The following KCNH6 variants were observed in gnomAD, a reference collection of about 807,000 sequenced individuals.
KCNH6 encodes potassium voltage-gated channel subfamily H member 6, also known as voltage-gated inwardly rectifying potassium channel KCNH6.
KCNH6 carries 81 observed loss-of-function variants against 83.4 expected under a neutral mutation model. That is an observed-to-expected ratio of 0.97 (90% CI 0.81 to 1.17). The LOEUF (loss-of-function observed/expected upper bound fraction) is 1.17. Ranked by LOEUF, KCNH6 falls within the 50% of genes most tolerant of loss-of-function variation. The probability of loss-of-function intolerance (pLI) is 0.00; values close to 1 mark genes in which losing one functional copy is unlikely to be tolerated. For synonymous variants in KCNH6, 503 were observed against 545.6 expected, an observed-to-expected ratio of 0.92 and a Z score of 1.09; for missense variants, 1,203 against 1,290.5, an observed-to-expected ratio of 0.93 and a Z score of 1.04.
At chr17:63,540,746 GC>G (rs1227231651) in intron 8 of KCNH6, among the ~76,000 whole-genome samples, 2 of 152,182 alleles carry the variant, frequency 1.3e-5, no homozygotes, top group Non-Finnish European at 2.9e-5. Context: ...ATCCTTCTGT[GC>G]TAAACTGTTA....
Position 63,543,634 on chromosome 17 carries a change from GTTTC to G in KCNH6, c.2213_2216del (p.Phe738SerfsTer12), listed in dbSNP as rs746558366. 3.6e-5 allele frequency: 58 copies of G among 1,612,930 alleles called. No homozygotes were observed. The East Asian group carries it at 1.3e-3, about 35-fold the overall frequency. On this transcript the variant is annotated frameshift_variant, in exon 10 of 13. Transcript: ENST00000314672. LOFTEE classifies it high-confidence loss of function. ...GCTCCTGGCAGCCAAGACCACCAAG[GTTTC>G]TTTCTCAGTGACAACCAGTCAGGTG...
rs766713762 is a variant in KCNH6 at position 63,542,275 on chromosome 17, C to T, written c.1989C>T (p.Leu663=). 3 of 1,614,128 alleles carry T rather than the reference C, an allele frequency of 1.9e-6. No homozygotes were observed. Among genetic ancestry groups the T allele is most frequent in the Non-Finnish European group, 8.5e-7 (1 of 1,180,016 alleles). ...KNDIFGEPVS[L]HAQPGKSSAD... ...ACATCTTTGGGGAACCCGTCAGCCT[C>T]CATGCCCAGCCAGGCAAGTCCAGTG... The change falls in exon 9 of 13, where the codon CTC becomes CTT. Residue 663 remains leucine, a synonymous_variant. Coordinates refer to ENST00000314672, the MANE Select transcript of KCNH6 (RefSeq NM_001278919.2).
rs2031463344 is a variant in KCNH6 at position 63,523,385 on chromosome 17, T to C, written c.-29T>C. 1 of 1,570,926 alleles carries C rather than the reference T, an allele frequency of 6.4e-7. No individual in the cohort carries two copies. Among genetic ancestry groups the C allele is most frequent in the Non-Finnish European group, 8.6e-7 (1 of 1,161,698 alleles). On this transcript the variant is annotated 5_prime_UTR_variant, in exon 1 of 13. Transcript: ENST00000314672. This position sits in a 1 kb window ranked among gnomAD's most constrained non-coding sequence, Gnocchi z 4.2. ...AGACGCCGGGAGCCAGTGGCGCCTGTGGCTCCGGGCAGGGGCCGCGGCCGA... is the reference window on the plus strand; with the variant it reads ...AGACGCCGGGAGCCAGTGGCGCCTGCGGCTCCGGGCAGGGGCCGCGGCCGA...
chr17:63,533,174 T>C lies in KCNH6; in HGVS notation c.676-712T>C, dbSNP rs1486078080. Among the ~76,000 whole-genome samples the C allele has an allele frequency of 1.4e-5, 2 of 141,100 alleles. No homozygotes were observed. Among genetic ancestry groups the C allele is most frequent in the Non-Finnish European group, 3.1e-5 (2 of 65,000 alleles). The allele number at this position is 141,100 out of a possible 152,430, so 92.6% of individuals were successfully genotyped here. On this transcript the variant is annotated intron_variant, in intron 4 of 12. Coordinates refer to ENST00000314672, the MANE Select transcript of KCNH6 (RefSeq NM_001278919.2). This position sits in a 1 kb window ranked among gnomAD's most constrained non-coding sequence, Gnocchi z 4.1. Reference sequence around the variant, plus strand: ...ATGTTGTGCTGGGACCTAGAGATCCTGGGTTGATCACAGTCTTGGAGGCGG... The same window carrying C: ...ATGTTGTGCTGGGACCTAGAGATCCCGGGTTGATCACAGTCTTGGAGGCGG...
In KCNH6 at chr17:63,535,635, C is replaced by T. The variant is rs373520147; in HGVS notation, c.1102-34C>T. 25 of 1,566,606 alleles carry T rather than the reference C, an allele frequency of 1.6e-5. No homozygotes were observed. In the African/African-American group the frequency reaches 3.0e-4, roughly 19 times the overall value. ...CTGACTGCACCCTTCCAAGGGCTGA[C>T]CCCAGCCCTGTGACCATTTCCCTAC... On this transcript the variant is annotated intron_variant, in intron 5 of 12. Coordinates refer to ENST00000314672, the MANE Select transcript of KCNH6 (RefSeq NM_001278919.2). This position sits in a 1 kb window ranked among gnomAD's most constrained non-coding sequence, Gnocchi z 4.9.
intron 6 of KCNH6, among the ~76,000 whole-genome samples, chr17:63,536,952 CAAAAAAA>C (rs60039258): frequency 6.5e-4 from 37 of 56,508 alleles, no homozygotes; most frequent in South Asian, 1.7e-3. Context: ...GACTCCGTCT[CAAAAAAA>C]AAAAAAAAAA....
At chr17:63,525,768 G>A (rs1024355151) in intron 2 of KCNH6, among the ~76,000 whole-genome samples, 19 of 152,152 alleles carry the variant, frequency 1.2e-4, no homozygotes, top group African/African-American at 4.6e-4. Context: ...GAAGAATCTG[G>A]CTTAGTGTGG....
rs754315123 is a variant in KCNH6 at position 63,534,211 on chromosome 17, C to G, written c.1001C>G (p.Pro334Arg). 1.9e-6 allele frequency: 3 copies of G among 1,614,100 alleles called. No homozygotes were observed. The highest frequency in any genetic ancestry group is 2.5e-6 in the Non-Finnish European group (3 of 1,179,990). ...VNTNDEVVSHPRRIAVHYFKG... is the reference protein window; with the variant it reads ...VNTNDEVVSHRRRIAVHYFKG... ...ACCAATGATGAGGTGGTCAGCCACC[C>G]CCGCCGCATCGCCGTCCACTACTTC... Residue 334 changes from proline to arginine, a missense_variant, in exon 5 of 13, where the codon CCC becomes CGC. Coordinates refer to ENST00000314672, the MANE Select transcript of KCNH6 (RefSeq NM_001278919.2). This position sits in a 1 kb window ranked among gnomAD's most constrained non-coding sequence, Gnocchi z 5.0.
Position 63,530,328 on chromosome 17 carries a change from T to C in KCNH6, c.470-9T>C, listed in dbSNP as rs1377110923. The C allele has an allele frequency of 1.2e-6, 2 of 1,613,988 alleles. No individual in the cohort carries two copies. The highest frequency in any genetic ancestry group is 1.3e-5 in the African/African-American group (1 of 74,922). Reference sequence around the variant, plus strand: ...CCGTGGCTGCTCTGACTCCTGGCCCTGGTTTCAGAGGGCTCTCATGGCAGG... The same window carrying C: ...CCGTGGCTGCTCTGACTCCTGGCCCCGGTTTCAGAGGGCTCTCATGGCAGG... On this transcript the variant is annotated splice_polypyrimidine_tract_variant and intron_variant, in intron 3 of 12. Coordinates refer to ENST00000314672, the MANE Select transcript of KCNH6 (RefSeq NM_001278919.2).
Position 63,538,195 on chromosome 17 carries a change from A to G in KCNH6, c.1632A>G (p.Pro544=). The G allele has an allele frequency of 6.2e-7, 1 of 1,613,996 alleles. No individual in the cohort carries two copies. The highest frequency in any genetic ancestry group is 8.5e-7 in the Non-Finnish European group (1 of 1,179,952). Residue 544 remains proline (P), a synonymous_variant, in exon 7 of 13, where the codon CCA becomes CCG. Transcript: ENST00000314672. The surrounding 1 kb of genome is among the most constrained non-coding windows in gnomAD (Gnocchi z 4.0). The stretch of plus-strand genomic sequence containing the variant: ...TCCGCTTCCACCAGATCCCCAACCC[A>G]CTGCGCCAGCGCCTGGAGGAGTATT... The part of the protein sequence containing the change: ...EFIRFHQIPN[P]LRQRLEEYFQ...
chr17:63,543,186 GCGTAGGCCCTGTGC>G (rs1295009390), intron 9 of KCNH6, among the ~76,000 whole-genome samples: 1 of 152,220 alleles, frequency 6.6e-6, no homozygotes, highest in African/African-American at 2.4e-5. Context: ...GGCCCTGCTG[GCGTAGGCCCTGTGC>G]CCAGCTTCCT....
chr17:63,545,363 G>T (rs2033095363), intron 12 of KCNH6, 99 bp downstream of exon 12: 2 of 1,301,904 alleles, frequency 1.5e-6, no homozygotes, highest in East Asian at 4.7e-5. Flanking sequence ...CAGAGCCTCT[G>T]TGGCCCCAGA....
At chr17:63,545,366 GC>G in intron 12 of KCNH6, 102 bp downstream of exon 12, 1 of 1,271,602 alleles carries the variant, frequency 7.9e-7, no homozygotes. Flanking sequence ...AGCCTCTGTG[GC>G]CCCAGAGCAG....
chr17:63,530,000 T>C (rs746063043), intron 2 of KCNH6, 91 bp from the exon 3 acceptor site: 31 of 1,418,722 alleles, frequency 2.2e-5, no homozygotes, highest in African/African-American at 2.8e-5. Flanking sequence ...TGCCCTTCAC[T>C]TGACCTTCAC....
Position 63,535,619 on chromosome 17 carries a change from C to T in KCNH6, c.1102-50C>T, listed in dbSNP as rs369726402. Reference sequence around the variant, plus strand: ...GTGAACAAAAGCAGGCCTGACTGCACCCTTCCAAGGGCTGACCCCAGCCCT... The same window carrying T: ...GTGAACAAAAGCAGGCCTGACTGCATCCTTCCAAGGGCTGACCCCAGCCCT... On this transcript the variant is annotated intron_variant, in intron 5 of 12. Transcript: ENST00000314672. This position sits in a 1 kb window ranked among gnomAD's most constrained non-coding sequence, Gnocchi z 4.9. The T allele has an allele frequency of 6.5e-7, 1 of 1,530,558 alleles. No individual in the cohort carries two copies. The highest frequency in any genetic ancestry group is 8.8e-7 in the Non-Finnish European group (1 of 1,132,700). 94.8% of individuals were successfully genotyped at this position (1,530,558 alleles called of 1,614,324 possible). A position where few individuals can be genotyped will look rare whatever the true frequency, so the allele number is the denominator to read the frequency against.
intron 2 of KCNH6, among the ~76,000 whole-genome samples, chr17:63,526,434 C>T (rs1313692686): frequency 1.3e-5 from 2 of 148,816 alleles, no homozygotes; most frequent in Non-Finnish European, 3.0e-5. Flanking sequence ...CTCTGTCACG[C>T]AGGCTGGCAA....
chr17:63,539,003 A>G (rs1210997581), intron 8 of KCNH6, among the ~76,000 whole-genome samples: 1 of 152,100 alleles, frequency 6.6e-6, no homozygotes, highest in Admixed American at 6.5e-5. Flanking sequence ...AGAAAGGCCA[A>G]GGGTCTTTCT....
chr17:63,538,139 C>T lies in KCNH6; in HGVS notation c.1576C>T (p.His526Tyr). ...QRLYSGTARY[H>Y]TQMLRVKEFI... The stretch of plus-strand genomic sequence containing the variant: ...CCTGTACTCGGGCACCGCGCGCTAC[C>T]ACACGCAGATGCTGCGTGTCAAGGA... Residue 526 changes from histidine (H) to tyrosine (Y), a missense_variant, in exon 7 of 13, where the codon CAC (histidine) becomes TAC (tyrosine). By Grantham distance (83) the His-to-Tyr change is moderately conservative. Transcript: ENST00000314672. The surrounding 1 kb of genome is among the most constrained non-coding windows in gnomAD (Gnocchi z 4.0). 6.2e-7 allele frequency: 1 copy of T among 1,614,080 alleles called. No homozygotes were observed. Among genetic ancestry groups the T allele is most frequent in the South Asian group, 1.1e-5 (1 of 91,084 alleles).
In KCNH6 at chr17:63,543,664, A is replaced by T; in HGVS notation, c.2233+4A>T. On this transcript the variant is annotated splice_donor_region_variant and intron_variant, in intron 10 of 12. Transcript: ENST00000314672. ...TTTCTCAGTGACAACCAGTCAGGTG[A>T]GCAAAGCCAGCCCCCACCCCCACCA... 6.3e-7 allele frequency: 1 copy of T among 1,598,832 alleles called. No homozygotes were observed. Among genetic ancestry groups the T allele is most frequent in the Non-Finnish European group, 8.6e-7 (1 of 1,167,062 alleles).
Sources: allele counts gnomAD v4.1 joint callset (sites outside exome capture counted in the v4.1 genomes callset), GRCh38; gene constraint gnomAD v4.1.1; non-coding constraint Gnocchi (gnomAD v3.1); transcripts MANE v1.5; gene names NCBI Gene and HGNC (gene_info 2026-07-23, HGNC 2026-07-21).